Variants in DUOX2 observed in about 807,000 individuals in gnomAD.
DUOX2 encodes the protein dual oxidase 2, also known as NADH/NADPH thyroid oxidase p138-tox.
In DUOX2, 185 loss-of-function variants were observed where a neutral mutation model predicts 183.3. The ratio of observed to expected loss-of-function variants is 1.01; its 90% CI spans 0.90 to 1.14. DUOX2 has a LOEUF of 1.14. Ranked by LOEUF, DUOX2 falls within the 50% of genes most tolerant of loss-of-function variation. The pLI, the probability that DUOX2 is intolerant of heterozygous loss-of-function variation, is 0.00. For missense variants in DUOX2, 1,999 were observed against 2,022.9 expected (o/e 0.99, Z 0.23); for synonymous variants, 788 against 812.4 (o/e 0.97, Z 0.51).
chr15:45,096,922 C>T (rs193123864), intron 29 of DUOX2, among the ~76,000 whole-genome samples: 1 of 152,262 alleles, frequency 6.6e-6, no homozygotes, highest in East Asian at 1.9e-4. Context: ...GCTTCCTGCC[C>T]TGCACTTCCC....
chr15:45,112,057 C>A, intron 4 of DUOX2, 102 bp from the exon 5 acceptor site: 4 of 1,426,548 alleles, frequency 2.8e-6, no homozygotes, highest in Admixed American at 2.0e-5. Flanking sequence ...AGACAGAGGT[C>A]CCAGTGCCAG....
Position 45,107,389 on chromosome 15 carries a change from A to G in DUOX2, c.1649T>C (p.Ile550Thr). 2.5e-6 allele frequency: 4 copies of G among 1,614,246 alleles called. No individual in the cohort carries two copies. Among genetic ancestry groups the G allele is most frequent in the Non-Finnish European group, 3.4e-6 (4 of 1,180,044 alleles). The change falls in exon 14 of 34, where the codon ATT becomes ACT. Residue 550 changes from isoleucine to threonine, a missense_variant. Transcript: ENST00000389039. ...ATTGGGCTGCAGGGCACTGGGGTCA[A>G]TGTTGATAACAGCGACCAGCACGTC... ...LRDVLVAVIN[I>T]DPSALQPNVF...
Position 45,107,437 on chromosome 15 carries a change from T to A in DUOX2, c.1601A>T (p.Asp534Val), listed in dbSNP as rs976407112. Residue 534 changes from aspartate (D) to valine (V), a missense_variant, in exon 14 of 34, where the codon GAC (aspartate) becomes GTC (valine). Around this residue, in one of 3 missense-constraint regions of DUOX2, gnomAD observed 1,628 missense variants for 1,608.6 expected, o/e 1.01. Coordinates refer to ENST00000389039, the MANE Select transcript of DUOX2 (RefSeq NM_001363711.2). ...GTCCCGCAGGGTGGTATTTCGGATG[T>A]CTTCAATCTCCTTCTTGGAGAACAG... Reference protein sequence around the residue: ...NGLFSKKEIEDIRNTTLRDVL... With the variant: ...NGLFSKKEIEVIRNTTLRDVL... 1.9e-6 allele frequency: 3 copies of A among 1,614,202 alleles called. No individual in the cohort carries two copies. The highest frequency in any genetic ancestry group is 1.3e-5 in the African/African-American group (1 of 75,058).
In DUOX2 at chr15:45,112,538, C is replaced by A. The variant is rs1894461736; in HGVS notation, c.325+16G>T. ...AGCGCCAGATCAACCCCACTGGTCT[C>A]CCCCTTTGCCCTCACCAAAGAAGAC... On this transcript the variant is annotated intron_variant, in intron 4 of 33. Transcript: ENST00000389039. 6.2e-7 allele frequency: 1 copy of A among 1,611,538 alleles called. No individual in the cohort carries two copies. The highest frequency in any genetic ancestry group is 1.3e-5 in the African/African-American group (1 of 74,850).
In DUOX2 at chr15:45,097,391, G is replaced by A; in HGVS notation, c.3694C>T (p.Leu1232Phe). ...HHLYILLYAL[L>F]IIHGSYALIQ... Reference sequence around the variant, plus strand: ...AGAGCATAGCTGCCATGGATGATGAGCTGGAGACACGGCCAGTTAGTACAA... The same window carrying A: ...AGAGCATAGCTGCCATGGATGATGAACTGGAGACACGGCCAGTTAGTACAA... Residue 1232 changes from leucine (L) to phenylalanine (F), a missense_variant and splice_region_variant, in exon 29 of 34, where the codon CTC becomes TTC. This residue lies in a region of DUOX2 where 1,628 missense variants were observed against 1,608.6 expected (regional missense o/e 1.01). Coordinates refer to ENST00000389039, the MANE Select transcript of DUOX2 (RefSeq NM_001363711.2). 2 of 1,614,252 alleles carry A rather than the reference G, an allele frequency of 1.2e-6. No individual in the cohort carries two copies. The highest frequency in any genetic ancestry group is 1.7e-6 in the Non-Finnish European group (2 of 1,180,046).
chr15:45,101,563 C>G, intron 21 of DUOX2: 1 of 634,036 alleles, frequency 1.6e-6, no homozygotes, highest in Non-Finnish European at 2.8e-6. Context: ...ATGCCGGTGG[C>G]TTTGAGCAGT....
In DUOX2 at chr15:45,098,066, G is replaced by A. The variant is rs375424670; in HGVS notation, c.3516-8C>T. The stretch of plus-strand genomic sequence containing the variant: ...TTCTGGGGAAGCTTGGACCTGGGGG[G>A]CAAAGGCACCTTGAGCCTCTGACTG... On this transcript the variant is annotated splice_region_variant and splice_polypyrimidine_tract_variant and intron_variant, in intron 26 of 33. Transcript: ENST00000389039. The A allele has an allele frequency of 8.1e-6, 13 of 1,613,870 alleles. No homozygotes were observed. Among genetic ancestry groups the A allele is most frequent in the Admixed American group, 1.7e-5 (1 of 59,998 alleles).
intron 24 of DUOX2, 26 bp from the exon 25 acceptor site, chr15:45,099,918 G>A: frequency 6.2e-7 from 1 of 1,613,142 alleles, no homozygotes; most frequent in Non-Finnish European, 8.5e-7. Flanking sequence ...GGTTACATCA[G>A]CTTGGCACAG....
chr15:45,109,909 T>C lies in DUOX2; in HGVS notation c.1112A>G (p.Asn371Ser). The change falls in exon 10 of 34, where the codon AAC becomes AGC. Residue 371 changes from asparagine (N) to serine (S), a missense_variant. Asn to Ser is a conservative substitution (Grantham distance 46). Transcript: ENST00000389039. ...TCTGACCTCCCGAATCCAGTAGTTG[T>C]TGCAGACCCTGAGAGCTTGGGAGCT... ...FQSSQALRVC[N>S]NYWIRENPNL... The C allele has an allele frequency of 6.2e-7, 1 of 1,614,158 alleles. No individual in the cohort carries two copies. Among genetic ancestry groups the C allele is most frequent in the Non-Finnish European group, 8.5e-7 (1 of 1,179,996 alleles).
At chr15:45,109,722 GCCAGTC>G (rs1894327161) in intron 10 of DUOX2, 96 bp from the exon 11 acceptor site, 1 of 1,384,192 alleles carries the variant, frequency 7.2e-7, no homozygotes, top group African/African-American at 1.4e-5. Flanking sequence ...AGGGCCCTTG[GCCAGTC>G]CCAGACTCTC....
At chr15:45,109,136 A>T in intron 11 of DUOX2, 184 bp from the exon 12 acceptor site, 1 of 761,594 alleles carries the variant, frequency 1.3e-6, no homozygotes, top group Admixed American at 2.1e-5. Context: ...GGGTGATCAG[A>T]GCCAGTTTTT....
chr15:45,108,385 A>C, intron 12 of DUOX2, 163 bp from the exon 13 acceptor site: 1 of 823,866 alleles, frequency 1.2e-6, no homozygotes, highest in South Asian at 1.7e-5. Flanking sequence ...AGTCTGGTGG[A>C]AGGATCAGTG....
Position 45,111,901 on chromosome 15 carries a change from T to TCGG in DUOX2, c.377_379dup (p.Ala126dup), listed in dbSNP as rs1310474865. The TCGG allele has an allele frequency of 2.5e-6, 4 of 1,613,750 alleles. No homozygotes were observed. The highest frequency in any genetic ancestry group is 3.4e-6 in the Non-Finnish European group (4 of 1,179,970). On this transcript the variant is annotated inframe_insertion, in exon 5 of 34. Transcript: ENST00000389039. ...AGGTGGGATGCGGATGTTGAGGAAC[T>TCGG]CGGCGGGGCAACCGGGCGTTTCCAC... is the stretch of plus-strand genomic sequence containing the variant.
chr15:45,101,493 G>T, intron 21 of DUOX2: 1 of 633,566 alleles, frequency 1.6e-6, no homozygotes, highest in Non-Finnish European at 2.8e-6. Context: ...ATGCAACCCT[G>T]CAGGTCCTTT....
In DUOX2 at chr15:45,112,776, A is replaced by G. The variant is rs1018197777; in HGVS notation, c.161-58T>C. 3 of 1,604,424 alleles carry G rather than the reference A, an allele frequency of 1.9e-6. No homozygotes were observed. The Admixed American group carries it at 5.0e-5, about 27-fold the overall frequency. On this transcript the variant is annotated intron_variant, in intron 3 of 33. Transcript: ENST00000389039. ...CACTCCATCCCCTAGGATCCCCCAA[A>G]CCTCTCCCTAAGCCTCCCTCAACCC...
rs1024040811 is a variant in DUOX2 at position 45,108,455 on chromosome 15, A to G, written c.1399-233T>C. The G allele has an allele frequency of 2.3e-5, 14 of 607,120 alleles. No individual in the cohort carries two copies. The African/African-American group carries it at 2.4e-4, about 10-fold the overall frequency. 37.6% of individuals were successfully genotyped at this position (607,120 alleles called of 1,614,324 possible). On this transcript the variant is annotated intron_variant, in intron 12 of 33. Coordinates refer to ENST00000389039, the MANE Select transcript of DUOX2 (RefSeq NM_001363711.2). ...CCTAGGACCATATCCTGTGACCATC[A>G]CCAGCCTGCCTGACCTCAATGATTA...
At position 45,100,811 on chromosome 15, in the gene DUOX2, AG is replaced by A. The variant is rs769194606; in HGVS notation, c.2948del (p.Pro983LeufsTer13). The A allele has an allele frequency of 1.2e-6, 2 of 1,613,650 alleles. No homozygotes were observed. The highest frequency in any genetic ancestry group is 1.3e-5 in the African/African-American group (1 of 75,000). On this transcript the variant is annotated frameshift_variant, in exon 23 of 34. Coordinates refer to ENST00000389039, the MANE Select transcript of DUOX2 (RefSeq NM_001363711.2). LOFTEE classifies it high-confidence loss of function. The stretch of plus-strand genomic sequence containing the variant: ...CTCCCAGCTCTGGGGCTTCTGGGGC[AG>A]GGGGCCCCAGTCCCTGGGGGTGGGA... ...ERSHPQGLGP[P>X]APEAPELGGP...
At chr15:45,094,409 G>T (rs1893845469) in intron 33 of DUOX2, 137 bp from the exon 34 acceptor site, 2 of 1,529,332 alleles carry the variant, frequency 1.3e-6, no homozygotes, top group South Asian at 1.2e-5. Context: ...TAACGTGGAG[G>T]GGGTGGAAGT....
chr15:45,100,813 G>T lies in DUOX2; in HGVS notation c.2947C>A (p.Pro983Thr). 1 of 1,613,890 alleles carries T rather than the reference G, an allele frequency of 6.2e-7. No homozygotes were observed. Among genetic ancestry groups the T allele is most frequent in the Non-Finnish European group, 8.5e-7 (1 of 1,179,806 alleles). The change falls in exon 23 of 34, where the codon CCT becomes ACT. Residue 983 changes from proline (P) to threonine (T), a missense_variant. Pro to Thr is a conservative substitution (Grantham distance 38). This residue lies in a region of DUOX2 where 1,628 missense variants were observed against 1,608.6 expected (regional missense o/e 1.01). Coordinates refer to ENST00000389039, the MANE Select transcript of DUOX2 (RefSeq NM_001363711.2). Reference sequence around the variant, plus strand: ...CCCAGCTCTGGGGCTTCTGGGGCAGGGGGCCCCAGTCCCTGGGGGTGGGAG... The same window carrying T: ...CCCAGCTCTGGGGCTTCTGGGGCAGTGGGCCCCAGTCCCTGGGGGTGGGAG... Reference protein sequence around the residue: ...ERSHPQGLGPPAPEAPELGGP... With the variant: ...ERSHPQGLGPTAPEAPELGGP...
Sources: gnomAD v4.1 joint callset for allele counts (sites outside exome capture counted in the v4.1 genomes callset) on GRCh38, gnomAD v4.1.1 for gene constraint, gnomAD v4.1.1 regional missense constraint, MANE v1.5 for transcripts, NCBI Gene and HGNC (gene_info 2026-07-23, HGNC 2026-07-21) for gene names.